DLEU7: variants seen among roughly 807,000 people sequenced by gnomAD.
DLEU7 encodes the protein deleted in lymphocytic leukemia 7, also known as leukemia-associated protein 7.
In DLEU7, 17 loss-of-function variants were observed where a neutral mutation model predicts 16.0. That is an observed-to-expected ratio of 1.06 (90% CI 0.73 to 1.59). The LOEUF (loss-of-function observed/expected upper bound fraction) is 1.59, where lower values mean the gene tolerates loss of function less well. Ranked by LOEUF, DLEU7 falls within the 40% of genes most tolerant of loss-of-function variation. DLEU7 has a pLI of 0.00. For missense variants in DLEU7, 308 were observed against 314.9 expected, an observed-to-expected ratio of 0.98 and a Z score of 0.17; for synonymous variants, 113 against 139.8, an observed-to-expected ratio of 0.81 and a Z score of 1.35.
chr13:50,826,888 G>T (rs1410902288), intron 1 of DLEU7, among the ~76,000 whole-genome samples: 2 of 151,990 alleles, frequency 1.3e-5, no homozygotes, highest in African/African-American at 4.8e-5. Flanking sequence ...TGTCAACCTA[G>T]AATTTTTTTT....
chr13:50,818,291 C>G (rs147886349), downstream of DLEU7, among the ~76,000 whole-genome samples: 212 of 152,258 alleles, frequency 1.4e-3, 3 homozygotes, highest in East Asian at 0.04. Flanking sequence ...CAGAATGGCC[C>G]AGGCTGGCCC....
chr13:50,711,838 T>G (rs1873302603), downstream of DLEU7: 1 of 144,624 alleles, frequency 6.9e-6, no homozygotes, highest in Non-Finnish European at 1.5e-5. Flanking sequence ...CAGAATCAAA[T>G]CAGAGCCTGG....
intron 1 of DLEU7, among the ~76,000 whole-genome samples, chr13:50,728,550 C>T (rs1048847214): frequency 5.3e-5 from 8 of 151,930 alleles, no homozygotes; most frequent in Admixed American, 2.0e-4. Flanking sequence ...CCAGGAAAGC[C>T]CTATTTTTTT....
rs187818971 is a variant in DLEU7 at position 50,735,703 on chromosome 13, A to T, written c.460-22463T>A. On this transcript the variant is annotated intron_variant, in intron 1 of 1. Transcript: ENST00000400393. ...CATTAAAAAGTGGGCAAAGGACATG[A>T]ACAAACACTTTTCAAAATAAGACAT... 3.9e-5 allele frequency among the ~76,000 whole-genome samples: 6 copies of T among 152,310 alleles called. No homozygotes were observed. The East Asian group carries it at 9.6e-4, about 24-fold the overall frequency.
intron 1 of DLEU7, among the ~76,000 whole-genome samples, chr13:50,790,267 G>T (rs1396743613): frequency 6.6e-6 from 1 of 151,964 alleles, no homozygotes; most frequent in Non-Finnish European, 1.5e-5. Context: ...TTATTTGTAT[G>T]TCCATTACTA....
At chr13:50,779,761 A>G (rs1184214264) in intron 1 of DLEU7, among the ~76,000 whole-genome samples, 1 of 152,226 alleles carries the variant, frequency 6.6e-6, no homozygotes, top group Admixed American at 6.5e-5. Context: ...GGAAGCAGGC[A>G]TATAGACTCT....
chr13:50,801,002 C>T (rs7490531), intron 1 of DLEU7, among the ~76,000 whole-genome samples: 26,942 of 152,054 alleles, frequency 0.18, 4,238 homozygotes, highest in African/African-American at 0.41. Flanking sequence ...AGCAGTGGGG[C>T]TGACTCTCAA....
chr13:50,806,835 C>T (rs907588306), intron 1 of DLEU7, among the ~76,000 whole-genome samples: 2 of 151,800 alleles, frequency 1.3e-5, no homozygotes, highest in Non-Finnish European at 2.9e-5. Flanking sequence ...CCCAGCTACT[C>T]GGGAGGCTGA....
chr13:50,784,516 G>A (rs759751526), intron 1 of DLEU7, among the ~76,000 whole-genome samples: 6 of 152,246 alleles, frequency 3.9e-5, no homozygotes, highest in Non-Finnish European at 8.8e-5. Context: ...CAAGAAAGAT[G>A]TTTGTGCCCC....
At chr13:50,787,678 A>G (rs969422009) in intron 1 of DLEU7, among the ~76,000 whole-genome samples, 6 of 151,896 alleles carry the variant, frequency 4.0e-5, no homozygotes, top group African/African-American at 1.5e-4. Context: ...CCTACTGCCT[A>G]AAACATGGAT....
At chr13:50,837,951 G>T (rs9535501) in intron 1 of DLEU7, among the ~76,000 whole-genome samples, 14,483 of 152,214 alleles carry the variant, frequency 0.095, 990 homozygotes, top group African/African-American at 0.19. Flanking sequence ...CTGAGAGAAA[G>T]CTTTGAGCAT....
intron 1 of DLEU7, among the ~76,000 whole-genome samples, chr13:50,743,637 C>T (rs1026431084): frequency 7.9e-5 from 12 of 152,046 alleles, no homozygotes; most frequent in Admixed American, 4.6e-4. Flanking sequence ...AATTAGACTT[C>T]GAGCAGGAAA....
At chr13:50,765,274 T>C (rs1362076685) in intron 1 of DLEU7, among the ~76,000 whole-genome samples, 3 of 152,134 alleles carry the variant, frequency 2.0e-5, no homozygotes, top group Non-Finnish European at 4.4e-5. Context: ...AAATGAAAAA[T>C]GGCTTTTACT....
At position 50,800,453 on chromosome 13, in the gene DLEU7, AT is replaced by A. The variant is rs1412145457; in HGVS notation, c.459+42734del. 3.3e-5 allele frequency among the ~76,000 whole-genome samples: 5 copies of A among 152,264 alleles called. No individual in the cohort carries two copies. In the East Asian group the frequency reaches 9.7e-4, roughly 29 times the overall value. ...TTGAACAGGAACCACACCCTGAGGAATGAAGGGGCCTCCTCACTGAGGATAA... is the reference window on the plus strand; with the variant it reads ...TTGAACAGGAACCACACCCTGAGGAAGAAGGGGCCTCCTCACTGAGGATAA... On this transcript the variant is annotated intron_variant, in intron 1 of 1. Coordinates refer to the DLEU7 transcript ENST00000400393.
intron 1 of DLEU7, among the ~76,000 whole-genome samples, chr13:50,829,427 T>G (rs1318647321): frequency 6.6e-6 from 1 of 152,218 alleles, no homozygotes; most frequent in Non-Finnish European, 1.5e-5. Context: ...TGTGCTGACA[T>G]GTGCCTATTA....
At chr13:50,815,530 C>A (rs912896485) in intron 1 of DLEU7, among the ~76,000 whole-genome samples, 3 of 152,068 alleles carry the variant, frequency 2.0e-5, no homozygotes, top group African/African-American at 7.2e-5. Context: ...ACTAGATCAA[C>A]TATTGAGCAG....
At chr13:50,775,382 C>G (rs1023006288) in intron 1 of DLEU7, among the ~76,000 whole-genome samples, 2 of 152,120 alleles carry the variant, frequency 1.3e-5, no homozygotes, top group African/African-American at 4.8e-5. Flanking sequence ...GGTATAAGTT[C>G]TGGGTTTTAA....
At chr13:50,829,327 T>G (rs1877189172) in intron 1 of DLEU7, among the ~76,000 whole-genome samples, 1 of 152,094 alleles carries the variant, frequency 6.6e-6, no homozygotes, top group Admixed American at 6.5e-5. Context: ...TCCGATTGCT[T>G]TATAGAAGTA....
chr13:50,813,499 T>C (rs1244150228), intron 1 of DLEU7, among the ~76,000 whole-genome samples: 1 of 152,108 alleles, frequency 6.6e-6, no homozygotes, highest in Non-Finnish European at 1.5e-5. Context: ...AATTTCCCTC[T>C]GATTAGATTG....
Sources: allele counts gnomAD v4.1 joint callset (sites outside exome capture counted in the v4.1 genomes callset), GRCh38; gene constraint gnomAD v4.1.1; transcripts MANE v1.5; gene names NCBI Gene and HGNC (gene_info 2026-07-23, HGNC 2026-07-21).